The following LRIG2 variants were observed in gnomAD, a reference collection of about 807,000 sequenced individuals.
LRIG2 encodes the protein leucine rich repeats and immunoglobulin like domains 2.
In LRIG2, 93 loss-of-function variants were observed where a neutral mutation model predicts 107.8. That is an observed-to-expected ratio of 0.86 (90% CI 0.73 to 1.03). LRIG2 has a LOEUF of 1.03. Ranked by LOEUF, LRIG2 falls within the 50% of genes least tolerant of loss-of-function variation. The pLI is 0.00. For synonymous variants in LRIG2, 471 were observed against 470.6 expected (o/e 1.00, Z -0.01); for missense variants, 1,226 against 1,296.0 (o/e 0.95, Z 0.83).
chr1:113,126,002 A>T lies in LRIG2; in HGVS notation c.*1901A>T, dbSNP rs1165954466. The stretch of plus-strand genomic sequence containing the variant: ...CTATTAGGTGTGCTATATCTTGGCA[A>T]ATATTCCCCATGATGAACTCTTCCT... On this transcript the variant is annotated 3_prime_UTR_variant, in exon 18 of 18. Coordinates refer to ENST00000361127, the MANE Select transcript of LRIG2 (RefSeq NM_014813.3). 1 of 152,148 alleles carries T rather than the reference A, an allele frequency of 6.6e-6. No individual in the cohort carries two copies. Among genetic ancestry groups the T allele is most frequent in the Non-Finnish European group, 1.5e-5 (1 of 68,032 alleles). The allele number at this position is 152,148 out of a possible 1,614,324, so 9.4% of individuals were successfully genotyped here. A position where few individuals can be genotyped will look rare whatever the true frequency, so the allele number is the denominator to read the frequency against.
chr1:113,102,989 A>G (rs1654368650), intron 11 of LRIG2, among the ~76,000 whole-genome samples: 2 of 112,922 alleles, frequency 1.8e-5, no homozygotes, highest in African/African-American at 3.3e-5. Flanking sequence ...ACTACAAATT[A>G]GTATACTCCG....
chr1:113,094,838 CT>C (rs1367199992), intron 6 of LRIG2, 83 bp downstream of exon 6: 16 of 1,341,914 alleles, frequency 1.2e-5, no homozygotes, highest in Non-Finnish European at 1.5e-5. Context: ...GGTAGTTGTT[CT>C]GATTATAGAG....
At chr1:113,077,403 A>G (rs1449385801) in intron 1 of LRIG2, among the ~76,000 whole-genome samples, 1 of 152,144 alleles carries the variant, frequency 6.6e-6, no homozygotes, top group Non-Finnish European at 1.5e-5. Context: ...TGGCCTCCCA[A>G]AGTGCCAGGA....
At position 113,096,005 on chromosome 1, in the gene LRIG2, G is replaced by A; in HGVS notation, c.935G>A (p.Arg312Lys). Residue 312 changes from arginine (R) to lysine (K), a missense_variant, in exon 7 of 18, where the codon AGA becomes AAA. Transcript: ENST00000361127. Reference sequence around the variant, plus strand: ...CCTGATGCATGGGAGTTCTGCCAAAGACTATCCGAACTGTAAGTGTTGGAT... The same window carrying A: ...CCTGATGCATGGGAGTTCTGCCAAAAACTATCCGAACTGTAAGTGTTGGAT... Reference protein sequence around the residue: ...ISPDAWEFCQRLSELDLSYNQ... With the variant: ...ISPDAWEFCQKLSELDLSYNQ... 1 of 1,614,186 alleles carries A rather than the reference G, an allele frequency of 6.2e-7. No homozygotes were observed. Among genetic ancestry groups the A allele is most frequent in the Non-Finnish European group, 8.5e-7 (1 of 1,180,038 alleles).
chr1:113,110,188 C>T, intron 12 of LRIG2, 54 bp from the exon 13 acceptor site: 1 of 1,301,946 alleles, frequency 7.7e-7, no homozygotes, highest in East Asian at 2.3e-5. Flanking sequence ...AAAATTGAAT[C>T]TAAAGCAAAA....
intron 1 of LRIG2, among the ~76,000 whole-genome samples, chr1:113,080,802 A>G (rs1179980247): frequency 6.6e-6 from 1 of 151,862 alleles, no homozygotes; most frequent in African/African-American, 2.4e-5. Context: ...ATCTTTTTAA[A>G]CAAAGAAAAA....
chr1:113,100,273 T>C lies in LRIG2; in HGVS notation c.1235T>C (p.Leu412Pro). The C allele has an allele frequency of 6.3e-7, 1 of 1,589,374 alleles. No individual in the cohort carries two copies. Among genetic ancestry groups the C allele is most frequent in the Non-Finnish European group, 8.6e-7 (1 of 1,162,106 alleles). Reference sequence around the variant, plus strand: ...AAAGCATTCATTGGTCTTGAATCCCTTGAGCATCTGTAAGTATTTTGCATA... The same window carrying C: ...AAAGCATTCATTGGTCTTGAATCCCCTGAGCATCTGTAAGTATTTTGCATA... ...TKKAFIGLES[L>P]EHLDLNNNAI... Residue 412 changes from leucine to proline, a missense_variant, in exon 10 of 18, where the codon CTT (leucine) becomes CCT (proline). Physicochemically the swap from Leu to Pro is moderately conservative, Grantham distance 98. Transcript: ENST00000361127.
chr1:113,117,865 A>G (rs1655081831), intron 16 of LRIG2, among the ~76,000 whole-genome samples: 1 of 151,952 alleles, frequency 6.6e-6, no homozygotes, highest in Non-Finnish European at 1.5e-5. Flanking sequence ...GTTAAACTAA[A>G]TTACTTTTCA....
chr1:113,081,596 G>C (rs1192700976), intron 1 of LRIG2, among the ~76,000 whole-genome samples: 7 of 151,914 alleles, frequency 4.6e-5, no homozygotes, highest in Non-Finnish European at 1.5e-5. Context: ...TTTCAGCTCA[G>C]TGCAGCCTCT....
intron 2 of LRIG2, among the ~76,000 whole-genome samples, chr1:113,092,888 C>A (rs1254962307): frequency 6.6e-6 from 1 of 151,468 alleles, no homozygotes; most frequent in Non-Finnish European, 1.5e-5. Context: ...ACTCAGGAGA[C>A]TGAGGTAGGA....
In LRIG2 at chr1:113,073,626, C is replaced by A. The variant is rs1042649458; in HGVS notation, c.220C>A (p.Pro74Thr). ...CTGGAGGGCGCTGTCGGGCTTGCTG[C>A]CCCCCGACACCGCTATCCTGTGAGT... ...PSWRALSGLL[P>T]PDTAILDFSH... Residue 74 changes from proline to threonine, a missense_variant, in exon 1 of 18, where the codon CCC becomes ACC. Pro to Thr is a conservative substitution (Grantham distance 38, BLOSUM62 -1). Coordinates refer to ENST00000361127, the MANE Select transcript of LRIG2 (RefSeq NM_014813.3). 2.5e-5 allele frequency: 40 copies of A among 1,612,420 alleles called. No individual in the cohort carries two copies. The highest frequency in any genetic ancestry group is 3.4e-5 in the Non-Finnish European group (40 of 1,179,896).
At chr1:113,109,222 G>T (rs1275124767) in intron 12 of LRIG2, among the ~76,000 whole-genome samples, 1 of 152,076 alleles carries the variant, frequency 6.6e-6, no homozygotes, top group African/African-American at 2.4e-5. Flanking sequence ...CCACTTAACT[G>T]CTTTTATGGC....
chr1:113,111,594 C>T (rs1225600012), intron 13 of LRIG2, among the ~76,000 whole-genome samples: 1 of 152,180 alleles, frequency 6.6e-6, no homozygotes. Context: ...TCACTCCACA[C>T]AGGATCATTT....
At chr1:113,099,495 C>T (rs904459642) in intron 9 of LRIG2, among the ~76,000 whole-genome samples, 3 of 152,070 alleles carry the variant, frequency 2.0e-5, no homozygotes, top group South Asian at 2.1e-4. Flanking sequence ...CCACCTTGGC[C>T]TCCCAAAGTG....
At chr1:113,079,668 T>C (rs1320260904) in intron 1 of LRIG2, among the ~76,000 whole-genome samples, 5 of 137,994 alleles carry the variant, frequency 3.6e-5, no homozygotes, top group Non-Finnish European at 7.7e-5. Context: ...CAAGACTCCA[T>C]CTCAAAAAAA....
At chr1:113,112,239 G>A (rs1036048029) in intron 13 of LRIG2, among the ~76,000 whole-genome samples, 12 of 152,166 alleles carry the variant, frequency 7.9e-5, no homozygotes, top group Non-Finnish European at 1.8e-4. Flanking sequence ...GCTGCAGTGA[G>A]CTATGATTGC....
intron 6 of LRIG2, 93 bp from the exon 7 acceptor site, chr1:113,095,781 A>G (rs1009393602): frequency 7.8e-5 from 100 of 1,284,568 alleles, no homozygotes; most frequent in Middle Eastern, 5.7e-4. Flanking sequence ...GAACAAAGGT[A>G]TATGCTTCTC....
intron 16 of LRIG2, 54 bp downstream of exon 16, chr1:113,116,490 T>C (rs1426759058): frequency 1.3e-6 from 2 of 1,484,260 alleles, no homozygotes; most frequent in Non-Finnish European, 1.8e-6. Flanking sequence ...TTGAGTTTAC[T>C]TTTCAGTGTG....
At position 113,119,342 on chromosome 1, in the gene LRIG2, T is replaced by G; in HGVS notation, c.2790T>G (p.Leu930=). 2.5e-6 allele frequency: 4 copies of G among 1,614,074 alleles called. No individual in the cohort carries two copies. Among genetic ancestry groups the G allele is most frequent in the Non-Finnish European group, 3.4e-6 (4 of 1,180,016 alleles). Residue 930 remains leucine, a synonymous_variant, in exon 17 of 18, where the codon CTT becomes CTG. Coordinates refer to ENST00000361127, the MANE Select transcript of LRIG2 (RefSeq NM_014813.3). Reference sequence around the variant, plus strand: ...CCTATATTGCTGAGGAGGACGTTCTTGATCAGACACTGTCCAGCCTCATGG... The same window carrying G: ...CCTATATTGCTGAGGAGGACGTTCTGGATCAGACACTGTCCAGCCTCATGG... ...PYTYIAEEDV[L]DQTLSSLMVQ...
Sources: gnomAD v4.1 joint callset for allele counts (sites outside exome capture counted in the v4.1 genomes callset) on GRCh38, gnomAD v4.1.1 for gene constraint, MANE v1.5 for transcripts, NCBI Gene and HGNC (gene_info 2026-07-23, HGNC 2026-07-21) for gene names.